The following OSBPL10 variants were observed in gnomAD, a reference collection of about 807,000 sequenced individuals.
OSBPL10 encodes the protein oxysterol-binding protein-related protein 10.
Under a neutral mutation model 81.7 loss-of-function variants are expected in OSBPL10, and 49 were observed. The observed-to-expected ratio is 0.60, with a 90% confidence interval of 0.48 to 0.76. The LOEUF (loss-of-function observed/expected upper bound fraction) is 0.76, where lower values mean the gene tolerates loss of function less well. Among genes scored for constraint, OSBPL10 ranks in the 30% least tolerant of loss-of-function variants. The pLI is 0.00. For synonymous variants in OSBPL10, 419 were observed against 383.6 expected (o/e 1.09, Z -1.08); for missense variants, 923 against 987.8 (o/e 0.93, Z 0.88).
At chr3:31,750,731 A>C (rs994278212) in intron 4 of OSBPL10, among the ~76,000 whole-genome samples, 1 of 152,158 alleles carries the variant, frequency 6.6e-6, no homozygotes, top group Non-Finnish European at 1.5e-5. Context: ...ATGATGCATT[A>C]TGTTTTTATT....
chr3:31,705,840 A>G (rs574606992), intron 6 of OSBPL10, among the ~76,000 whole-genome samples: 2 of 152,280 alleles, frequency 1.3e-5, no homozygotes, highest in African/African-American at 4.8e-5. Context: ...ATGGCAGAAC[A>G]GTGTTCCCCC....
intron 1 of OSBPL10, among the ~76,000 whole-genome samples, chr3:31,937,352 A>G (rs1416807432): frequency 2.6e-5 from 4 of 152,042 alleles, no homozygotes; most frequent in Non-Finnish European, 4.4e-5. Context: ...TTTCTTGCCA[A>G]CTCTTGGTTA....
At chr3:31,967,739 G>A (rs1698441416) in intron 1 of OSBPL10, among the ~76,000 whole-genome samples, 1 of 152,130 alleles carries the variant, frequency 6.6e-6, no homozygotes, top group Non-Finnish European at 1.5e-5. Flanking sequence ...TTTGCTCACA[G>A]GCACTCACAC....
chr3:31,776,784 G>A (rs978867813), intron 4 of OSBPL10, among the ~76,000 whole-genome samples: 2 of 152,136 alleles, frequency 1.3e-5, no homozygotes, highest in African/African-American at 4.8e-5. Flanking sequence ...GGGCTGGGGG[G>A]AGGAGGGAAG....
intron 1 of OSBPL10, among the ~76,000 whole-genome samples, chr3:31,903,807 T>C (rs943581868): frequency 1.6e-4 from 25 of 152,112 alleles, no homozygotes; most frequent in Non-Finnish European, 3.2e-4. Context: ...ATCTTCTACC[T>C]CAGAGCAAAG....
At chr3:31,927,831 TACCAGGC>T (rs1171133870) in intron 1 of OSBPL10, among the ~76,000 whole-genome samples, 2 of 152,354 alleles carry the variant, frequency 1.3e-5, no homozygotes, top group East Asian at 3.9e-4. Flanking sequence ...TGTGGGGTTC[TACCAGGC>T]ACAGAGTCTG....
intron 4 of OSBPL10, among the ~76,000 whole-genome samples, chr3:31,816,862 C>G (rs1187672620): frequency 6.6e-6 from 1 of 152,142 alleles, no homozygotes; most frequent in Non-Finnish European, 1.5e-5. Context: ...TGGCTCCTCT[C>G]TGCCAGTAGG....
intron 2 of OSBPL10, among the ~76,000 whole-genome samples, chr3:32,019,974 G>A (rs1224404541): frequency 2.0e-5 from 3 of 152,272 alleles, no homozygotes; most frequent in Admixed American, 6.5e-5. Flanking sequence ...CCCTGAATTT[G>A]CGGAGGGATT....
intron 4 of OSBPL10, among the ~76,000 whole-genome samples, chr3:31,818,234 A>C (rs186538073): frequency 3.3e-5 from 5 of 152,268 alleles, no homozygotes; most frequent in Admixed American, 3.3e-4. Context: ...GGGCCGCTCC[A>C]GTCCATTGAA....
At chr3:32,068,707 C>G (rs1455477396) in intron 1 of OSBPL10, among the ~76,000 whole-genome samples, 1 of 152,030 alleles carries the variant, frequency 6.6e-6, no homozygotes, top group African/African-American at 2.4e-5. Flanking sequence ...GTCTGAGGTG[C>G]CTTACATCCA....
chr3:31,841,154 G>A (rs1486946637), intron 3 of OSBPL10, among the ~76,000 whole-genome samples: 1 of 152,148 alleles, frequency 6.6e-6, no homozygotes, highest in African/African-American at 2.4e-5. Flanking sequence ...GTGATCCACC[G>A]CCTCGGCCTC....
At chr3:31,905,035 G>A (rs960564456) in intron 1 of OSBPL10, among the ~76,000 whole-genome samples, 3 of 152,292 alleles carry the variant, frequency 2.0e-5, no homozygotes, top group Non-Finnish European at 4.4e-5. Context: ...TACCTCACAG[G>A]ACTTCAATGA....
chr3:31,961,537 T>C (rs962708755), intron 1 of OSBPL10, among the ~76,000 whole-genome samples: 1 of 152,188 alleles, frequency 6.6e-6, no homozygotes, highest in Non-Finnish European at 1.5e-5. Flanking sequence ...TTAATAATGT[T>C]AATAATGCTA....
intron 6 of OSBPL10, among the ~76,000 whole-genome samples, chr3:31,708,510 A>C (rs1303158285): frequency 6.6e-6 from 1 of 152,222 alleles, no homozygotes; most frequent in Non-Finnish European, 1.5e-5. Context: ...ACATCAGCAT[A>C]GCCCAGGGTA....
intron 4 of OSBPL10, among the ~76,000 whole-genome samples, chr3:31,791,624 C>G (rs1006117353): frequency 3.9e-5 from 6 of 151,956 alleles, no homozygotes; most frequent in Non-Finnish European, 5.9e-5. Flanking sequence ...AGACAGCACA[C>G]TAGTGACTTA....
At chr3:32,052,134 C>T (rs768238105) in intron 1 of OSBPL10, among the ~76,000 whole-genome samples, 3 of 151,546 alleles carry the variant, frequency 2.0e-5, no homozygotes, top group Non-Finnish European at 2.9e-5. Context: ...GTGGTCCCAG[C>T]TACTTGGGAG....
intron 3 of OSBPL10, among the ~76,000 whole-genome samples, chr3:31,851,829 A>G (rs1264586085): frequency 6.6e-6 from 1 of 152,192 alleles, no homozygotes; most frequent in East Asian, 1.9e-4. Context: ...CAGGCAGAGC[A>G]GGACTCAGAA....
At chr3:31,768,585 A>G (rs1698269845) in intron 4 of OSBPL10, among the ~76,000 whole-genome samples, 1 of 152,124 alleles carries the variant, frequency 6.6e-6, no homozygotes. Flanking sequence ...ACATAAATAC[A>G]TATTTCACTC....
chr3:31,746,783 T>G (rs1478996467), intron 5 of OSBPL10, among the ~76,000 whole-genome samples: 3 of 115,314 alleles, frequency 2.6e-5, no homozygotes, highest in Non-Finnish European at 4.8e-5. Context: ...TGAGAACACA[T>G]GGACACAGGA....
Sources: gnomAD v4.1 joint callset for allele counts (sites outside exome capture counted in the v4.1 genomes callset) on GRCh38, gnomAD v4.1.1 for gene constraint, MANE v1.5 for transcripts, NCBI Gene and HGNC (gene_info 2026-07-23, HGNC 2026-07-21) for gene names.